XYLT1: variants seen among roughly 807,000 people sequenced by gnomAD.
The protein encoded by XYLT1 is beta-D-xylosyltransferase 1.
In XYLT1, 36 loss-of-function variants were observed where a neutral mutation model predicts 91.3. The observed-to-expected ratio is 0.39, with a 90% CI of 0.30 to 0.52. The LOEUF is 0.52. XYLT1 is among the 20% of genes least tolerant of loss of function. The pLI, the probability that XYLT1 is intolerant of heterozygous loss-of-function variation, is 0.68. For missense variants in XYLT1, 1,242 were observed against 1,284.5 expected, an observed-to-expected ratio of 0.97 and a Z score of 0.51; for synonymous variants, 588 against 532.0, an observed-to-expected ratio of 1.11 and a Z score of -1.45.
intron 3 of XYLT1, among the ~76,000 whole-genome samples, chr16:17,203,525 T>A (rs2032582378): frequency 6.6e-6 from 1 of 151,912 alleles, no homozygotes; most frequent in Admixed American, 6.6e-5. Context: ...CACCCATTCA[T>A]CCATTTATTC....
chr16:17,291,615 C>T (rs1418887429), intron 2 of XYLT1, among the ~76,000 whole-genome samples: 1 of 150,232 alleles, frequency 6.7e-6, no homozygotes, highest in African/African-American at 2.4e-5. Flanking sequence ...TTTCCTAAAG[C>T]TCTGAAGGTC....
intron 2 of XYLT1, among the ~76,000 whole-genome samples, chr16:17,303,155 C>A (rs572039566): frequency 1.2e-4 from 18 of 152,244 alleles, no homozygotes; most frequent in Non-Finnish European, 2.2e-4. Context: ...GCATGAGATA[C>A]AATGATGTAA....
chr16:17,377,480 C>T (rs1294701042), intron 1 of XYLT1, among the ~76,000 whole-genome samples: 1 of 152,094 alleles, frequency 6.6e-6, no homozygotes, highest in Non-Finnish European at 1.5e-5. Context: ...AGCCAGCCTG[C>T]TCTATTCTCA....
intron 1 of XYLT1, among the ~76,000 whole-genome samples, chr16:17,431,343 G>A (rs768186901): frequency 6.6e-5 from 10 of 152,126 alleles, no homozygotes; most frequent in Admixed American, 1.3e-4. Context: ...TCAGAAGGTC[G>A]GGAGTGGGGC....
intron 3 of XYLT1, among the ~76,000 whole-genome samples, chr16:17,253,449 G>A (rs1183014698): frequency 6.6e-6 from 1 of 152,146 alleles, no homozygotes; most frequent in Non-Finnish European, 1.5e-5. Context: ...GATAACCTCA[G>A]CATGACCAGG....
rs567285954 is a variant in XYLT1 at position 17,140,489 on chromosome 16, C to T, written c.1587+664G>A. 2.6e-5 allele frequency among the ~76,000 whole-genome samples: 4 copies of T among 151,918 alleles called. No individual in the cohort carries two copies. The South Asian group carries it at 8.3e-4, about 32-fold the overall frequency. ...CAGCCTGGCCAACATGGCAAAACCC[C>T]ATCTCTACTAAAAATACAAAAATTA... On this transcript the variant is annotated intron_variant, in intron 7 of 11. Transcript: ENST00000261381.
intron 1 of XYLT1, among the ~76,000 whole-genome samples, chr16:17,395,619 C>CT (rs150044725): frequency 0.073 from 11,154 of 152,316 alleles, 575 homozygotes; most frequent in African/African-American, 0.14. Context: ...CATTATAATA[C>CT]TTTGAGCTCT....
chr16:17,164,067 AAAG>A (rs2031621966), intron 5 of XYLT1, among the ~76,000 whole-genome samples: 2 of 146,342 alleles, frequency 1.4e-5, no homozygotes, highest in African/African-American at 2.6e-5. Context: ...AAAAAAAAAA[AAAG>A]AAAGACTATG....
chr16:17,432,518 G>A (rs1363540972), intron 1 of XYLT1, among the ~76,000 whole-genome samples: 1 of 152,134 alleles, frequency 6.6e-6, no homozygotes, highest in Non-Finnish European at 1.5e-5. Context: ...ATTAGCGGGT[G>A]CCTGGAAATG....
chr16:17,338,103 C>T (rs899289481), intron 2 of XYLT1: 1 of 437,998 alleles, frequency 2.3e-6, no homozygotes, highest in South Asian at 1.6e-5. Context: ...AAATCTGTCC[C>T]CTCCTTTCCT....
At chr16:17,394,498 T>G (rs1205740127) in intron 1 of XYLT1, among the ~76,000 whole-genome samples, 1 of 152,202 alleles carries the variant, frequency 6.6e-6, no homozygotes, top group Non-Finnish European at 1.5e-5. Context: ...CAGAGTGCCC[T>G]GGAGGCAGCA....
intron 5 of XYLT1, among the ~76,000 whole-genome samples, chr16:17,175,943 C>T (rs1269562741): frequency 2.0e-5 from 3 of 152,050 alleles, no homozygotes; most frequent in African/African-American, 4.8e-5. Flanking sequence ...AATCTGAAAA[C>T]GTCTCTAGGT....
chr16:17,342,782 A>C (rs1374120022), intron 2 of XYLT1, among the ~76,000 whole-genome samples: 2 of 152,232 alleles, frequency 1.3e-5, no homozygotes, highest in South Asian at 2.1e-4. Flanking sequence ...CAGAAGAGTA[A>C]GAATTTCTGT....
At chr16:17,322,214 C>G (rs937864552) in intron 2 of XYLT1, among the ~76,000 whole-genome samples, 3 of 152,100 alleles carry the variant, frequency 2.0e-5, no homozygotes, top group Non-Finnish European at 4.4e-5. Context: ...TTGTACATGA[C>G]AGATTTAGAT....
intron 1 of XYLT1, among the ~76,000 whole-genome samples, chr16:17,411,732 C>T (rs1451658873): frequency 6.6e-6 from 1 of 152,150 alleles, no homozygotes; most frequent in Admixed American, 6.5e-5. Flanking sequence ...TCGGCTTCAC[C>T]TTCATCGTGG....
chr16:17,423,062 G>A (rs368662798), intron 1 of XYLT1, among the ~76,000 whole-genome samples: 2 of 152,156 alleles, frequency 1.3e-5, no homozygotes, highest in African/African-American at 4.8e-5. Context: ...CTTCAATAAC[G>A]ATGACTTAAG....
chr16:17,466,071 C>G (rs955929319), intron 1 of XYLT1, among the ~76,000 whole-genome samples: 2 of 152,154 alleles, frequency 1.3e-5, no homozygotes, highest in African/African-American at 4.8e-5. Flanking sequence ...TTCCCACACC[C>G]CTTCCTTAGA....
Position 17,108,595 on chromosome 16 carries a change from A to T in XYLT1, c.*100T>A. ...ATGGCCAGGAGAGACCCATTCACAG[A>T]GGGCCTCCCCCAGGGTGGGAGGCCG... is the stretch of plus-strand genomic sequence containing the variant. On this transcript the variant is annotated 3_prime_UTR_variant, in exon 12 of 12. Coordinates refer to ENST00000261381, the MANE Select transcript of XYLT1 (RefSeq NM_022166.4). The T allele has an allele frequency of 8.5e-7, 1 of 1,178,364 alleles. No homozygotes were observed. The highest frequency in any genetic ancestry group is 1.2e-6 in the Non-Finnish European group (1 of 866,000). 73.0% of individuals were successfully genotyped at this position (1,178,364 alleles called of 1,614,324 possible).
intron 1 of XYLT1, among the ~76,000 whole-genome samples, chr16:17,393,378 T>C (rs192861316): frequency 8.5e-4 from 129 of 152,314 alleles, no homozygotes; most frequent in African/African-American, 3.0e-3. Context: ...TGGTGAAGTG[T>C]GGGCTTTTAG....
Sources: gnomAD v4.1 joint callset for allele counts (sites outside exome capture counted in the v4.1 genomes callset) on GRCh38, gnomAD v4.1.1 for gene constraint, MANE v1.5 for transcripts, NCBI Gene and HGNC (gene_info 2026-07-23, HGNC 2026-07-21) for gene names.